The following RIMS1 variants were observed in gnomAD, a reference collection of about 807,000 sequenced individuals.
The protein encoded by RIMS1 is regulating synaptic membrane exocytosis 1.
A neutral mutation model predicts 214.1 loss-of-function variants in RIMS1; 83 were observed. The observed-to-expected ratio is 0.39, with a 90% CI of 0.32 to 0.47. The LOEUF is 0.47. Among genes scored for constraint, RIMS1 ranks in the 20% least tolerant of loss-of-function variants. The pLI is 0.99. For missense variants in RIMS1, 2,050 were observed against 2,161.8 expected, an observed-to-expected ratio of 0.95 and a Z score of 1.03; for synonymous variants, 793 against 786.8, an observed-to-expected ratio of 1.01 and a Z score of -0.13.
intron 29 of RIMS1, among the ~76,000 whole-genome samples, chr6:72,357,021 A>G (rs1177062652): frequency 6.6e-6 from 1 of 152,204 alleles, no homozygotes; most frequent in Non-Finnish European, 1.5e-5. Flanking sequence ...TTGCAGCTAT[A>G]GGATCTGTGA....
intron 2 of RIMS1, among the ~76,000 whole-genome samples, chr6:72,018,187 AG>A (rs1215451846): frequency 1.3e-5 from 2 of 152,106 alleles, no homozygotes; most frequent in Non-Finnish European, 2.9e-5. Context: ...GACTTTGCTA[AG>A]GGTAGTAGCA....
chr6:72,155,468 C>T (rs969130881), intron 4 of RIMS1, among the ~76,000 whole-genome samples: 5 of 140,226 alleles, frequency 3.6e-5, no homozygotes, highest in African/African-American at 9.9e-5. Context: ...ACCCCATTCT[C>T]GTTACCAATA....
rs115910665 is a variant in RIMS1 at position 71,891,654 on chromosome 6, A to G, written c.164+4467A>G. ...GCGTTCCTATGTATGCAGGTATCAT[A>G]TTTTCATTAGGGTTTGAAAAGATTT... On this transcript the variant is annotated intron_variant, in intron 1 of 33. Coordinates refer to ENST00000521978, the MANE Select transcript of RIMS1 (RefSeq NM_014989.7). Among the ~76,000 whole-genome samples, 849 of 152,288 alleles carry G rather than the reference A, an allele frequency of 5.6e-3. 10 individuals are homozygous for G. Among genetic ancestry groups the G allele is most frequent in the African/African-American group, 0.019 (795 of 41,558 alleles).
chr6:72,044,935 A>G (rs986653904), intron 2 of RIMS1, among the ~76,000 whole-genome samples: 4 of 152,010 alleles, frequency 2.6e-5, no homozygotes, highest in Non-Finnish European at 5.9e-5. Context: ...CATAATAGCC[A>G]CAATCTGTAA....
chr6:72,109,410 G>T (rs2035529936), intron 4 of RIMS1, among the ~76,000 whole-genome samples: 1 of 151,860 alleles, frequency 6.6e-6, no homozygotes, highest in South Asian at 2.1e-4. Context: ...GTGTGAGATG[G>T]TATCTCATTG....
At chr6:71,931,703 T>G (rs561458507) in intron 1 of RIMS1, among the ~76,000 whole-genome samples, 52 of 152,258 alleles carry the variant, frequency 3.4e-4, no homozygotes, top group African/African-American at 1.2e-3. Context: ...GTTTGTCTGT[T>G]TACTCTATTG....
chr6:71,932,613 C>T (rs1021092088), intron 1 of RIMS1, among the ~76,000 whole-genome samples: 6 of 151,978 alleles, frequency 3.9e-5, no homozygotes, highest in Non-Finnish European at 7.4e-5. Context: ...ACACTTGTAC[C>T]CCTGAACTTC....
At chr6:72,229,544 C>T (rs555875383) in intron 6 of RIMS1, among the ~76,000 whole-genome samples, 9 of 151,918 alleles carry the variant, frequency 5.9e-5, no homozygotes, top group Admixed American at 3.3e-4. Context: ...TGAAATTAGA[C>T]TTTCTAGGAC....
intron 2 of RIMS1, among the ~76,000 whole-genome samples, chr6:71,974,862 A>G (rs370898592): frequency 1.3e-5 from 2 of 152,182 alleles, no homozygotes; most frequent in Non-Finnish European, 2.9e-5. Flanking sequence ...GAAAAGATAC[A>G]TTAATTTGTA....
chr6:72,141,402 G>C (rs1349419348), intron 4 of RIMS1, among the ~76,000 whole-genome samples: 1 of 151,894 alleles, frequency 6.6e-6, no homozygotes, highest in Admixed American at 6.6e-5. Context: ...TGTACTTCCA[G>C]GTTTTGGGTA....
intron 22 of RIMS1, among the ~76,000 whole-genome samples, chr6:72,270,276 TGGG>T (rs1329426457): frequency 2.0e-5 from 3 of 151,438 alleles, no homozygotes; most frequent in African/African-American, 4.9e-5. Flanking sequence ...AAAACAATAT[TGGG>T]GGAAAAATAT....
intron 29 of RIMS1, among the ~76,000 whole-genome samples, chr6:72,354,965 A>T (rs142807278): frequency 1.3e-5 from 2 of 152,268 alleles, no homozygotes; most frequent in African/African-American, 4.8e-5. Flanking sequence ...AACGCGAGGA[A>T]TGTTCATAGA....
chr6:71,903,439 A>G (rs1331260050), intron 1 of RIMS1, among the ~76,000 whole-genome samples: 1 of 152,204 alleles, frequency 6.6e-6, no homozygotes, highest in Non-Finnish European at 1.5e-5. Flanking sequence ...GGATACAGGC[A>G]TAGGCAAAGA....
At chr6:71,995,565 T>C (rs943009314) in intron 2 of RIMS1, among the ~76,000 whole-genome samples, 1 of 151,900 alleles carries the variant, frequency 6.6e-6, no homozygotes, top group Admixed American at 6.6e-5. Flanking sequence ...TTATCTTCTT[T>C]GTATTAGTTT....
At chr6:72,216,436 C>T (rs1011459356) in intron 6 of RIMS1, 15 of 985,258 alleles carry the variant, frequency 1.5e-5, no homozygotes, top group African/African-American at 3.5e-5. Flanking sequence ...CTAGGCTGGC[C>T]GTACCAGAAA....
chr6:72,322,971 A>G (rs1001652289), intron 28 of RIMS1, among the ~76,000 whole-genome samples: 6 of 152,230 alleles, frequency 3.9e-5, no homozygotes, highest in African/African-American at 1.4e-4. Context: ...GGAAGGCCAA[A>G]GAGCCAAGCA....
chr6:72,061,649 G>A (rs370216950), intron 2 of RIMS1, among the ~76,000 whole-genome samples: 2 of 152,130 alleles, frequency 1.3e-5, no homozygotes, highest in Non-Finnish European at 2.9e-5. Flanking sequence ...CTTTGTTCCC[G>A]GACCCTCCTC....
intron 2 of RIMS1, among the ~76,000 whole-genome samples, chr6:72,012,657 A>G (rs1304820606): frequency 6.6e-6 from 1 of 152,172 alleles, no homozygotes; most frequent in Non-Finnish European, 1.5e-5. Flanking sequence ...GCTCAAGGGA[A>G]TGATGCCACA....
chr6:72,361,989 T>C (rs781634042), intron 29 of RIMS1, among the ~76,000 whole-genome samples: 1 of 151,792 alleles, frequency 6.6e-6, no homozygotes, highest in Non-Finnish European at 1.5e-5. Flanking sequence ...TTGTATTGTA[T>C]TGTATTGTAT....
Sources: gnomAD v4.1 joint callset for allele counts (sites outside exome capture counted in the v4.1 genomes callset) on GRCh38, gnomAD v4.1.1 for gene constraint, MANE v1.5 for transcripts, NCBI Gene and HGNC (gene_info 2026-07-23, HGNC 2026-07-21) for gene names.